NLGN1: variants seen among roughly 807,000 people sequenced by gnomAD.
The protein encoded by NLGN1 is neuroligin 1.
In NLGN1, 12 loss-of-function variants were observed where a neutral mutation model predicts 65.5. The observed-to-expected ratio is 0.18, with a 90% CI of 0.12 to 0.30. The LOEUF is 0.30. Ranked by LOEUF, NLGN1 falls within the 10% of genes least tolerant of loss-of-function variation. The pLI, the probability that NLGN1 is intolerant of heterozygous loss-of-function variation, is 1.00. For missense variants in NLGN1, 750 were observed against 1,007.1 expected, an observed-to-expected ratio of 0.74 and a Z score of 3.46; for synonymous variants, 350 against 359.5, an observed-to-expected ratio of 0.97 and a Z score of 0.30.
At chr3:173,779,061 C>A (rs971541898) in intron 3 of NLGN1, among the ~76,000 whole-genome samples, 1 of 151,036 alleles carries the variant, frequency 6.6e-6, no homozygotes, top group African/African-American at 2.4e-5. Flanking sequence ...AAGAACATTC[C>A]TAAAGTTAGA....
chr3:173,481,540 CTT>C (rs1727285756), intron 2 of NLGN1, among the ~76,000 whole-genome samples: 1 of 151,524 alleles, frequency 6.6e-6, no homozygotes, highest in African/African-American at 2.4e-5. Context: ...TTCAATATGA[CTT>C]TGTTCTTCAT....
At chr3:173,553,199 A>T (rs1741171552) in intron 2 of NLGN1, among the ~76,000 whole-genome samples, 2 of 152,138 alleles carry the variant, frequency 1.3e-5, no homozygotes, top group Admixed American at 1.3e-4. Flanking sequence ...GTTAACTAGT[A>T]CCTTAAGAAA....
At chr3:173,640,222 C>T (rs1389459246) in intron 3 of NLGN1, among the ~76,000 whole-genome samples, 1 of 152,050 alleles carries the variant, frequency 6.6e-6, no homozygotes, top group Non-Finnish European at 1.5e-5. Flanking sequence ...CAGATAGACT[C>T]TAAAGTCAGT....
chr3:174,065,320 A>G (rs74630143), intron 4 of NLGN1, among the ~76,000 whole-genome samples: 3,616 of 152,244 alleles, frequency 0.024, 130 homozygotes, highest in African/African-American at 0.079. Context: ...AGAGACAGAG[A>G]GAAAGAGACA....
intron 4 of NLGN1, among the ~76,000 whole-genome samples, chr3:174,028,118 A>G (rs1401800446): frequency 6.6e-6 from 1 of 152,192 alleles, no homozygotes; most frequent in Non-Finnish European, 1.5e-5. Flanking sequence ...CAGTGAGTCA[A>G]TTAAACCTCT....
chr3:173,958,848 A>T (rs541005357), intron 4 of NLGN1, among the ~76,000 whole-genome samples: 1 of 152,074 alleles, frequency 6.6e-6, no homozygotes, highest in African/African-American at 2.4e-5. Context: ...CCTCTCTCCC[A>T]TGCTCATTGG....
At chr3:173,801,948 C>T (rs934525068) in intron 3 of NLGN1, among the ~76,000 whole-genome samples, 1 of 152,098 alleles carries the variant, frequency 6.6e-6, no homozygotes. Context: ...AGACTACTTC[C>T]ACTTTCAGGC....
chr3:173,760,967 C>T (rs1777888543), intron 3 of NLGN1, among the ~76,000 whole-genome samples: 1 of 152,028 alleles, frequency 6.6e-6, no homozygotes, highest in South Asian at 2.1e-4. Flanking sequence ...GAGCTACCTA[C>T]AATCATGCAG....
chr3:173,854,692 C>T (rs1177381713), intron 4 of NLGN1, among the ~76,000 whole-genome samples: 1 of 151,970 alleles, frequency 6.6e-6, no homozygotes, highest in Non-Finnish European at 1.5e-5. Context: ...AGTGCTTTAC[C>T]ATTAATGGTC....
At chr3:174,048,206 C>T (rs1429782880) in intron 4 of NLGN1, among the ~76,000 whole-genome samples, 2 of 152,012 alleles carry the variant, frequency 1.3e-5, no homozygotes, top group African/African-American at 4.8e-5. Flanking sequence ...TTGATGACAT[C>T]CTTCCAGATG....
At chr3:173,843,678 C>A (rs1336379792) in intron 4 of NLGN1, among the ~76,000 whole-genome samples, 3 of 152,286 alleles carry the variant, frequency 2.0e-5, no homozygotes, top group South Asian at 4.1e-4. Context: ...CCATCTGAGA[C>A]CATCTCAGCC....
intron 4 of NLGN1, among the ~76,000 whole-genome samples, chr3:174,094,624 A>G (rs1745116652): frequency 6.6e-6 from 1 of 152,024 alleles, no homozygotes; most frequent in African/African-American, 2.4e-5. Context: ...GGGTATAAAC[A>G]ATAGTATTTA....
chr3:173,503,502 A>G (rs1232514603), intron 2 of NLGN1, among the ~76,000 whole-genome samples: 1 of 152,152 alleles, frequency 6.6e-6, no homozygotes. Flanking sequence ...GAAGTTGTAC[A>G]TGAGAAAGAT....
At chr3:174,032,922 C>G (rs1730319190) in intron 4 of NLGN1, among the ~76,000 whole-genome samples, 1 of 151,932 alleles carries the variant, frequency 6.6e-6, no homozygotes, top group Admixed American at 6.6e-5. Flanking sequence ...ATTTGGAATG[C>G]TGCAGCCAGA....
At chr3:173,479,471 C>A (rs150281392) in intron 2 of NLGN1, among the ~76,000 whole-genome samples, 17 of 152,268 alleles carry the variant, frequency 1.1e-4, no homozygotes, top group African/African-American at 4.1e-4. Context: ...ATCGTGAAAT[C>A]TGGTGGTGCT....
rs1577371030 is a variant in NLGN1, at chr3:173,420,685, A to G, written c.-389-14325A>G. Among the ~76,000 whole-genome samples, 3 of 152,312 alleles carry G rather than the reference A, an allele frequency of 2.0e-5. No individual in the cohort carries two copies. The Middle Eastern group carries it at 0.01, about 518-fold the overall frequency. On this transcript the variant is annotated intron_variant, in intron 1 of 6. Transcript: ENST00000457714. ...TTCCACAATGGTTGAACTAGTTTAC[A>G]GTCCCACCAACAGTGTAGTGTTACT...
intron 4 of NLGN1, among the ~76,000 whole-genome samples, chr3:173,965,780 G>A (rs1171472173): frequency 1.3e-5 from 2 of 151,924 alleles, no homozygotes; most frequent in Non-Finnish European, 2.9e-5. Flanking sequence ...CTGAAATAAA[G>A]GTGCATTTGC....
intron 4 of NLGN1, among the ~76,000 whole-genome samples, chr3:173,954,332 A>G (rs1703863952): frequency 6.6e-6 from 1 of 152,082 alleles, no homozygotes; most frequent in African/African-American, 2.4e-5. Flanking sequence ...AGTCACCACT[A>G]AGAAAATCTT....
At chr3:173,816,860 C>T (rs1201970351) in intron 4 of NLGN1, among the ~76,000 whole-genome samples, 1 of 152,218 alleles carries the variant, frequency 6.6e-6, no homozygotes, top group Non-Finnish European at 1.5e-5. Flanking sequence ...TCAGGGAGAT[C>T]ATCCATGTTC....
Sources: allele counts gnomAD v4.1 joint callset (sites outside exome capture counted in the v4.1 genomes callset), GRCh38; gene constraint gnomAD v4.1.1; transcripts MANE v1.5; gene names NCBI Gene and HGNC (gene_info 2026-07-23, HGNC 2026-07-21).